The following PRKD1 variants were observed in gnomAD, a reference collection of about 807,000 sequenced individuals.
PRKD1 encodes the protein protein kinase D1, also known as serine/threonine-protein kinase D1.
In PRKD1, 63 loss-of-function variants were observed where a neutral mutation model predicts 95.9. That is an observed-to-expected ratio of 0.66 (90% confidence interval 0.54 to 0.81). The LOEUF is 0.81. Ranked by LOEUF, PRKD1 falls within the 30% of genes least tolerant of loss-of-function variation. The probability of loss-of-function intolerance (pLI) is 0.00; values close to 1 mark genes in which losing one functional copy is unlikely to be tolerated. For missense variants in PRKD1, 1,048 were observed against 1,165.3 expected, an observed-to-expected ratio of 0.90 and a Z score of 1.47; for synonymous variants, 425 against 423.1, an observed-to-expected ratio of 1.00 and a Z score of -0.05.
At chr14:29,712,346 T>G (rs1594450718) in intron 2 of PRKD1, among the ~76,000 whole-genome samples, 1 of 152,264 alleles carries the variant, frequency 6.6e-6, no homozygotes, top group African/African-American at 2.4e-5. Context: ...TTCTCTGGAT[T>G]AACAAGTTAT....
At chr14:29,579,801 T>C (rs1464065000) in intron 16 of PRKD1, among the ~76,000 whole-genome samples, 2 of 152,210 alleles carry the variant, frequency 1.3e-5, no homozygotes, top group African/African-American at 4.8e-5. Flanking sequence ...AAATGTTGCC[T>C]ATGCCTATAC....
intron 1 of PRKD1, among the ~76,000 whole-genome samples, chr14:29,913,829 G>A (rs1431622235): frequency 2.6e-5 from 4 of 152,156 alleles, no homozygotes; most frequent in African/African-American, 9.7e-5. Context: ...CTGAAGATAA[G>A]GTTTACAAGG....
At chr14:29,851,093 T>C (rs116456004) in intron 1 of PRKD1, among the ~76,000 whole-genome samples, 1 of 152,034 alleles carries the variant, frequency 6.6e-6, no homozygotes, top group African/African-American at 2.4e-5. Flanking sequence ...GATTAAAGAC[T>C]TAAATATAAA....
rs573265421 is a variant in PRKD1 at position 29,769,335 on chromosome 14, G to A, written c.265-43661C>T. ...TGTAATCCCGGCACTTTAGGAGGCT[G>A]AGGGGGGATGACTGTTCAAGGCCAG... On this transcript the variant is annotated intron_variant, in intron 1 of 17. Transcript: ENST00000331968. Among the ~76,000 whole-genome samples, 76 of 152,202 alleles carry A rather than the reference G, an allele frequency of 5.0e-4. No homozygotes were observed. In the Middle Eastern group the frequency reaches 0.01, roughly 20 times the overall value.
intron 2 of PRKD1, among the ~76,000 whole-genome samples, chr14:29,706,531 C>T (rs950385224): frequency 1.3e-5 from 2 of 152,036 alleles, no homozygotes; most frequent in African/African-American, 4.8e-5. Flanking sequence ...GACTTAAGTG[C>T]CCATGACAAC....
chr14:29,826,643 GTA>G (rs1399274015), intron 1 of PRKD1, among the ~76,000 whole-genome samples: 31 of 75,908 alleles, frequency 4.1e-4, no homozygotes, highest in African/African-American at 1.5e-3. Context: ...ATGTGTGTGT[GTA>G]TATATATGTG....
At chr14:29,814,098 C>T (rs1890597908) in intron 1 of PRKD1, among the ~76,000 whole-genome samples, 2 of 152,194 alleles carry the variant, frequency 1.3e-5, no homozygotes, top group African/African-American at 2.4e-5. Flanking sequence ...TTCTCTCCAA[C>T]CTGACTTTTT....
intron 1 of PRKD1, among the ~76,000 whole-genome samples, chr14:29,882,587 A>C (rs1893551092): frequency 6.6e-6 from 1 of 152,232 alleles, no homozygotes; most frequent in Non-Finnish European, 1.5e-5. Flanking sequence ...GTGTATTCAC[A>C]GTGCTGTGCA....
At position 29,578,543 on chromosome 14, in the gene PRKD1, T is replaced by TAAAA. The variant is rs992449669; in HGVS notation, c.2435-187_2435-184dup. On this transcript the variant is annotated intron_variant, in intron 16 of 17. Transcript: ENST00000331968. ...TTGGCCTTCATTTTATTTTGGATAC[T>TAAAA]AAAAAAAAAAAAAAAAAAAAAAAAA... Among the ~76,000 whole-genome samples the TAAAA allele has an allele frequency of 4.5e-3, 193 of 42,672 alleles. 2 individuals carry two copies. The highest frequency in any genetic ancestry group is 8.2e-3 in the East Asian group (10 of 1,220). 28.0% of individuals were successfully genotyped at this position (42,672 alleles called of 152,430 possible).
chr14:29,627,960 A>C (rs1256588213), intron 11 of PRKD1, among the ~76,000 whole-genome samples: 1 of 152,174 alleles, frequency 6.6e-6, no homozygotes, highest in Non-Finnish European at 1.5e-5. Context: ...GCCGATCCAA[A>C]ATCTTCAGTG....
rs527300877 is a variant in PRKD1, at chr14:29,738,930, GAAGT to G, written c.265-13260_265-13257del. 1.8e-3 allele frequency among the ~76,000 whole-genome samples: 272 copies of G among 151,510 alleles called. 1 individual carries two copies. The highest frequency in any genetic ancestry group is 6.2e-3 in the African/African-American group (258 of 41,318). On this transcript the variant is annotated intron_variant, in intron 1 of 17. Coordinates refer to ENST00000331968, the MANE Select transcript of PRKD1 (RefSeq NM_002742.3). The stretch of plus-strand genomic sequence containing the variant: ...CAGTGCAACTTCCACTTCCCAGGTT[GAAGT>G]GAGTGATTCTTCTGCCTCAGCCTCT...
intron 1 of PRKD1, among the ~76,000 whole-genome samples, chr14:29,861,854 A>T (rs953684733): frequency 6.6e-6 from 1 of 152,108 alleles, no homozygotes; most frequent in Non-Finnish European, 1.5e-5. Flanking sequence ...GGATTTCACC[A>T]TATTGGCCAG....
At chr14:29,905,263 C>CA in intron 1 of PRKD1, among the ~76,000 whole-genome samples, 1 of 152,258 alleles carries the variant, frequency 6.6e-6, no homozygotes. Context: ...ACTACATCAT[C>CA]AAGAGGGCCG....
chr14:29,759,173 T>C (rs547613957), intron 1 of PRKD1, among the ~76,000 whole-genome samples: 1 of 152,056 alleles, frequency 6.6e-6, no homozygotes, highest in East Asian at 1.9e-4. Flanking sequence ...TGAGATTAGG[T>C]GCATAGGCAG....
intron 1 of PRKD1, among the ~76,000 whole-genome samples, chr14:29,747,638 A>G (rs1887290957): frequency 6.6e-6 from 1 of 152,200 alleles, no homozygotes; most frequent in East Asian, 1.9e-4. Flanking sequence ...TGAAGTACTG[A>G]TCTACACACT....
intron 1 of PRKD1, among the ~76,000 whole-genome samples, chr14:29,742,463 G>A (rs1336993192): frequency 3.3e-5 from 5 of 152,164 alleles, no homozygotes; most frequent in African/African-American, 9.7e-5. Flanking sequence ...CAGGTTAGTA[G>A]GTCATAGAGA....
chr14:29,675,971 G>A (rs984300119), intron 2 of PRKD1, among the ~76,000 whole-genome samples: 3 of 113,248 alleles, frequency 2.6e-5, no homozygotes, highest in Non-Finnish European at 5.0e-5. Context: ...ACACATCGGG[G>A]CCTGTCGTGG....
At position 29,666,066 on chromosome 14, in the gene PRKD1, AAATAACTTACCTT is replaced by A. The variant is rs1458519290; in HGVS notation, c.533_535+10del. The A allele has an allele frequency of 6.3e-7, 1 of 1,577,376 alleles. No individual in the cohort carries two copies. Among genetic ancestry groups the A allele is most frequent in the South Asian group, 1.2e-5 (1 of 85,312 alleles). On this transcript the variant is annotated splice_donor_variant and splice_donor_5th_base_variant and coding_sequence_variant and intron_variant, in exon 3 of 18. Coordinates refer to ENST00000331968, the MANE Select transcript of PRKD1 (RefSeq NM_002742.3). LOFTEE classifies it high-confidence loss of function. ...CACACATTTAACTTGCATGGGAAGA[AAATAACTTACCTT>A]CACATTTAAGACCTTGACGTACCAG...
chr14:29,624,065 G>C, intron 13 of PRKD1, 87 bp downstream of exon 13: 1 of 938,514 alleles, frequency 1.1e-6, no homozygotes, highest in East Asian at 2.6e-5. Context: ...TTATGCCACA[G>C]GTTTTTAGAG....
Sources: allele counts gnomAD v4.1 joint callset (sites outside exome capture counted in the v4.1 genomes callset), GRCh38; gene constraint gnomAD v4.1.1; transcripts MANE v1.5; gene names NCBI Gene and HGNC (gene_info 2026-07-23, HGNC 2026-07-21).